HPCAL1: variants seen among roughly 807,000 people sequenced by gnomAD.
The protein encoded by HPCAL1 is hippocalcin like 1.
HPCAL1 carries 8 observed loss-of-function variants against 17.1 expected under a neutral mutation model. That is an observed-to-expected ratio of 0.47 (90% CI 0.27 to 0.84). The LOEUF (loss-of-function observed/expected upper bound fraction) is 0.84, where lower values mean the gene tolerates loss of function less well. Ranked by LOEUF, HPCAL1 falls within the 40% of genes least tolerant of loss-of-function variation. The pLI, the probability that HPCAL1 is intolerant of heterozygous loss-of-function variation, is 0.13. For synonymous variants in HPCAL1, 112 were observed against 111.4 expected, an observed-to-expected ratio of 1.01 and a Z score of -0.03; for missense variants, 165 against 271.1, an observed-to-expected ratio of 0.61 and a Z score of 2.75.
intron 1 of HPCAL1, among the ~76,000 whole-genome samples, chr2:10,322,207 GA>G (rs1332338063): frequency 6.6e-6 from 1 of 152,006 alleles, no homozygotes; most frequent in African/African-American, 2.4e-5. Flanking sequence ...ATGTTTAGTA[GA>G]GATGAGTTCT....
intron 1 of HPCAL1, among the ~76,000 whole-genome samples, chr2:10,382,988 C>T (rs922928874): frequency 6.6e-6 from 1 of 152,120 alleles, no homozygotes; most frequent in East Asian, 1.9e-4. Context: ...CAGTGGTGTG[C>T]GGGACACCCT....
intron 1 of HPCAL1, among the ~76,000 whole-genome samples, chr2:10,386,355 C>T (rs1447042164): frequency 2.6e-5 from 4 of 152,318 alleles, no homozygotes; most frequent in East Asian, 1.9e-4. Context: ...GCTGCCTACT[C>T]GCTGACTCAT....
At chr2:10,375,813 G>A (rs75269618) in intron 1 of HPCAL1, among the ~76,000 whole-genome samples, 11,851 of 152,216 alleles carry the variant, frequency 0.078, 553 homozygotes, top group Middle Eastern at 0.16. Flanking sequence ...CTTACGGCCC[G>A]AAGGAATCGA....
intron 1 of HPCAL1, among the ~76,000 whole-genome samples, chr2:10,339,400 G>A (rs1664927558): frequency 6.6e-6 from 1 of 152,118 alleles, no homozygotes; most frequent in African/African-American, 2.4e-5. Context: ...CCGCCTCCCG[G>A]GTTTAAGCAA....
At chr2:10,339,486 G>T (rs1236617944) in intron 1 of HPCAL1, among the ~76,000 whole-genome samples, 1 of 152,238 alleles carries the variant, frequency 6.6e-6, no homozygotes, top group East Asian at 1.9e-4. Flanking sequence ...TGTATTTTTA[G>T]TAGAGACGGG....
intron 1 of HPCAL1, among the ~76,000 whole-genome samples, chr2:10,314,437 G>A (rs1031239462): frequency 5.3e-5 from 8 of 152,152 alleles, no homozygotes; most frequent in Admixed American, 2.6e-4. Context: ...ACAGGGACTC[G>A]TGGCGTAAGG....
intron 1 of HPCAL1, among the ~76,000 whole-genome samples, chr2:10,341,323 C>T (rs1244544779): frequency 1.3e-5 from 2 of 152,000 alleles, no homozygotes; most frequent in East Asian, 3.9e-4. Context: ...TAGCCAGACA[C>T]GGTGGTGCAT....
intron 1 of HPCAL1, among the ~76,000 whole-genome samples, chr2:10,385,843 T>A (rs1345276248): frequency 1.3e-5 from 2 of 152,150 alleles, no homozygotes; most frequent in African/African-American, 4.8e-5. Context: ...TTTGGCTTAA[T>A]CCCCCACTGC....
At position 10,419,612 on chromosome 2, in the gene HPCAL1, A is replaced by C; in HGVS notation, c.-24-122A>C. The stretch of plus-strand genomic sequence containing the variant: ...ATAGCGGCATGCCTTCCGATGGGGG[A>C]CCCGGGAGTTGCTGAGTCGCAGCGC... On this transcript the variant is annotated intron_variant, in intron 2 of 4. Transcript: ENST00000307845. The surrounding 1 kb of genome is among the most constrained non-coding windows in gnomAD (Gnocchi z 5.0). The C allele has an allele frequency of 6.4e-5, 53 of 824,476 alleles. No individual in the cohort carries two copies. Among genetic ancestry groups the C allele is most frequent in the Non-Finnish European group, 8.8e-5 (48 of 546,174 alleles). The allele number at this position is 824,476 out of a possible 1,614,324, so 51.1% of individuals were successfully genotyped here.
At chr2:10,308,873 AT>A (rs1490910979) in intron 1 of HPCAL1, among the ~76,000 whole-genome samples, 1 of 152,214 alleles carries the variant, frequency 6.6e-6, no homozygotes, top group African/African-American at 2.4e-5. Context: ...CAAATGGCAA[AT>A]CAAAAACAAA....
At chr2:10,397,646 C>T (rs1198845472) in intron 2 of HPCAL1, among the ~76,000 whole-genome samples, 1 of 152,326 alleles carries the variant, frequency 6.6e-6, no homozygotes, top group East Asian at 1.9e-4. Context: ...GGGGCTTTTT[C>T]CATCCGGAAT....
intron 3 of HPCAL1, among the ~76,000 whole-genome samples, chr2:10,422,397 C>A (rs1219423065): frequency 2.0e-5 from 3 of 152,216 alleles, no homozygotes; most frequent in East Asian, 1.9e-4. Flanking sequence ...GTACACCCAC[C>A]AGCAGCACAG....
rs1040113628 is a variant in HPCAL1 at position 10,365,529 on chromosome 2, A to G, written c.-110-31306A>G. 2.0e-5 allele frequency among the ~76,000 whole-genome samples: 3 copies of G among 152,144 alleles called. No individual in the cohort carries two copies. Among genetic ancestry groups the G allele is most frequent in the Non-Finnish European group, 4.4e-5 (3 of 68,016 alleles). On this transcript the variant is annotated intron_variant, in intron 1 of 4. Coordinates refer to ENST00000307845, the MANE Select transcript of HPCAL1 (RefSeq NM_002149.4). This position sits in a 1 kb window ranked among gnomAD's most constrained non-coding sequence, Gnocchi z 4.8. ...ATGGCTTTTCTTGGAGGCTGCAGCCAGGAGCCATTGTTTCTCTTCCCACCT... is the reference window on the plus strand; with the variant it reads ...ATGGCTTTTCTTGGAGGCTGCAGCCGGGAGCCATTGTTTCTCTTCCCACCT...
chr2:10,415,141 C>T (rs182847772), intron 2 of HPCAL1, among the ~76,000 whole-genome samples: 187 of 152,292 alleles, frequency 1.2e-3, no homozygotes, highest in African/African-American at 4.3e-3. Context: ...GTGGGACAGC[C>T]CGGTGGGTCA....
rs1264460768 is a variant in HPCAL1, at chr2:10,427,027, C to T, written c.*206C>T. ...CCTCCCCTCACGCCTGGCCCGGTCC[C>T]TTCCAGGGCAACTCCCAGGGATGTG... On this transcript the variant is annotated 3_prime_UTR_variant, in exon 5 of 5. Transcript: ENST00000307845. The T allele has an allele frequency of 5.2e-6, 3 of 574,918 alleles. No homozygotes were observed. The highest frequency in any genetic ancestry group is 9.4e-6 in the Non-Finnish European group (3 of 320,142). 35.6% of individuals were successfully genotyped at this position (574,918 alleles called of 1,614,324 possible). A position where few individuals can be genotyped will look rare whatever the true frequency, so the allele number is the denominator to read the frequency against.
At position 10,402,306 on chromosome 2, in the gene HPCAL1, A is replaced by G. The variant is rs1372908176; in HGVS notation, c.-25+5386A>G. On this transcript the variant is annotated intron_variant, in intron 2 of 4. Coordinates refer to ENST00000307845, the MANE Select transcript of HPCAL1 (RefSeq NM_002149.4). ...TTTTACACTTCGGTGTCTTCCCAGCACTTAGCATTGTGGCCTGCATGTAAG... is the reference window on the plus strand; with the variant it reads ...TTTTACACTTCGGTGTCTTCCCAGCGCTTAGCATTGTGGCCTGCATGTAAG... Among the ~76,000 whole-genome samples the G allele has an allele frequency of 3.3e-5, 5 of 152,328 alleles. No homozygotes were observed. In the East Asian group the frequency reaches 9.6e-4, roughly 29 times the overall value.
chr2:10,360,051 G>A (rs951732428), intron 1 of HPCAL1, among the ~76,000 whole-genome samples: 15 of 152,148 alleles, frequency 9.9e-5, no homozygotes, highest in Non-Finnish European at 1.5e-4. Context: ...GGCTCCTGGC[G>A]CAGCAGGCCT....
chr2:10,388,217 C>G (rs1479727496), intron 1 of HPCAL1, among the ~76,000 whole-genome samples: 1 of 152,188 alleles, frequency 6.6e-6, no homozygotes, highest in Non-Finnish European at 1.5e-5. Context: ...CCTGCCTCCC[C>G]GGGGCCGTCG....
In HPCAL1 at chr2:10,310,577, T is replaced by C. The variant is rs1433226167; in HGVS notation, c.-111+7400T>C. On this transcript the variant is annotated intron_variant, in intron 1 of 4. Transcript: ENST00000307845. The surrounding 1 kb of genome is among the most constrained non-coding windows in gnomAD (Gnocchi z 4.5). ...CTAGCCTCATGCCTTCTGAGAAGCA[T>C]CTGTCAGGGTCCCTGATGCACCTAC... Among the ~76,000 whole-genome samples the C allele has an allele frequency of 6.6e-6, 1 of 152,080 alleles. No individual in the cohort carries two copies. The highest frequency in any genetic ancestry group is 6.5e-5 in the Admixed American group (1 of 15,274).
Sources: gnomAD v4.1 joint callset for allele counts (sites outside exome capture counted in the v4.1 genomes callset) on GRCh38, gnomAD v4.1.1 for gene constraint, Gnocchi (gnomAD v3.1) non-coding constraint, MANE v1.5 for transcripts, NCBI Gene and HGNC (gene_info 2026-07-23, HGNC 2026-07-21) for gene names.